The following SCYL1 variants were observed in gnomAD, a reference collection of about 807,000 sequenced individuals.
SCYL1 encodes the protein N-terminal kinase-like protein.
A neutral mutation model predicts 94.8 loss-of-function variants in SCYL1; 85 were observed. That is an observed-to-expected ratio of 0.90 (90% CI 0.75 to 1.07). The LOEUF is 1.07. Among genes scored for constraint, SCYL1 ranks in the 50% least tolerant of loss-of-function variants. SCYL1 has a pLI of 0.00. For missense variants in SCYL1, 968 were observed against 1,083.3 expected, an observed-to-expected ratio of 0.89 and a Z score of 1.49; for synonymous variants, 459 against 435.5, an observed-to-expected ratio of 1.05 and a Z score of -0.67.
At position 65,526,737 on chromosome 11, in the gene SCYL1, T is replaced by A. The variant is rs1402919709; in HGVS notation, c.603-46T>A. The A allele has an allele frequency of 1.3e-6, 2 of 1,578,742 alleles. No individual in the cohort carries two copies. The highest frequency in any genetic ancestry group is 2.2e-5 in the South Asian group (2 of 89,482). On this transcript the variant is annotated intron_variant, in intron 4 of 17. Coordinates refer to ENST00000270176, the MANE Select transcript of SCYL1 (RefSeq NM_020680.4). The surrounding 1 kb of genome is among the most constrained non-coding windows in gnomAD (Gnocchi z 4.1). Reference sequence around the variant, plus strand: ...GTGCCCAAGGCAGGCTGGAGGCCTGTGCAGGTGGTTGGTGGGGCCCTAAGA... The same window carrying A: ...GTGCCCAAGGCAGGCTGGAGGCCTGAGCAGGTGGTTGGTGGGGCCCTAAGA...
chr11:65,527,102 C>A lies in SCYL1; in HGVS notation c.834C>A (p.Phe278Leu). 1 of 1,613,376 alleles carries A rather than the reference C, an allele frequency of 6.2e-7. No individual in the cohort carries two copies. Among genetic ancestry groups the A allele is most frequent in the Non-Finnish European group, 8.5e-7 (1 of 1,179,798 alleles). The stretch of plus-strand genomic sequence containing the variant: ...ACCGCTTTGTAGAAACCAACCTCTT[C>A]CTGGAGGAGATTCAGGTGAGCCCCC... The part of the protein sequence containing the change: ...MSNRFVETNL[F>L]LEEIQIKEPA... The change falls in exon 6 of 18, where the codon TTC (phenylalanine) becomes TTA (leucine). Residue 278 changes from phenylalanine to leucine, a missense_variant. This residue lies in a region of SCYL1 where 494 missense variants were observed against 619.7 expected (regional missense o/e 0.80). Coordinates refer to ENST00000270176, the MANE Select transcript of SCYL1 (RefSeq NM_020680.4).
intron 7 of SCYL1, 112 bp downstream of exon 7, chr11:65,530,899 G>GA: frequency 5.0e-6 from 6 of 1,212,114 alleles, no homozygotes; most frequent in Non-Finnish European, 5.7e-6. Flanking sequence ...ATATGAGCAG[G>GA]AGCTTCCTGC....
intron 10 of SCYL1, 24 bp from the exon 11 acceptor site, chr11:65,535,929 G>A (rs1172047590): frequency 2.6e-6 from 4 of 1,545,350 alleles, no homozygotes; most frequent in Non-Finnish European, 2.6e-6. Flanking sequence ...ACACTCAGGA[G>A]CCCTCTTTCC....
In SCYL1 at chr11:65,527,071, T is replaced by C. The variant is rs746131020; in HGVS notation, c.803T>C (p.Met268Thr). 82 of 1,613,376 alleles carry C rather than the reference T, an allele frequency of 5.1e-5. No homozygotes were observed. The highest frequency in any genetic ancestry group is 1.6e-4 in the Middle Eastern group (1 of 6,084). The change falls in exon 6 of 18, where the codon ATG (methionine) becomes ACG (threonine). Residue 268 changes from methionine (M) to threonine (T), a missense_variant. By Grantham distance (81) the Met-to-Thr change is moderately conservative. Coordinates refer to ENST00000270176, the MANE Select transcript of SCYL1 (RefSeq NM_020680.4). Reference protein sequence around the residue: ...LQNCRAPGGFMSNRFVETNLF... With the variant: ...LQNCRAPGGFTSNRFVETNLF... Reference sequence around the variant, plus strand: ...AACTGCCGGGCACCTGGTGGCTTCATGAGCAACCGCTTTGTAGAAACCAAC... The same window carrying C: ...AACTGCCGGGCACCTGGTGGCTTCACGAGCAACCGCTTTGTAGAAACCAAC...
rs754563539 is a variant in SCYL1, at chr11:65,536,694, C to T, written c.1760C>T (p.Ser587Leu). The change falls in exon 13 of 18, where the codon TCG becomes TTG. Residue 587 changes from serine to leucine, a missense_variant. Transcript: ENST00000270176. ...VSSLTSKLIR[S>L]HPTTAPTETN... Reference sequence around the variant, plus strand: ...TCACTCACCTCCAAGCTGATCCGTTCGCACCCAACCACTGCCCCAACAGAA... The same window carrying T: ...TCACTCACCTCCAAGCTGATCCGTTTGCACCCAACCACTGCCCCAACAGAA... 143 of 1,612,736 alleles carry T rather than the reference C, an allele frequency of 8.9e-5. No homozygotes were observed. Among genetic ancestry groups the T allele is most frequent in the Middle Eastern group, 3.3e-4 (2 of 6,080 alleles).
Position 65,537,859 on chromosome 11 carries a change from C to A in SCYL1, c.2010C>A (p.Gly670=). 6.3e-7 allele frequency: 1 copy of A among 1,576,084 alleles called. No homozygotes were observed. The highest frequency in any genetic ancestry group is 1.3e-5 in the African/African-American group (1 of 74,476). Residue 670 remains glycine (G), a synonymous_variant, in exon 15 of 18, where the codon GGC becomes GGA. Transcript: ENST00000270176. ...LAQQDDWSTG[G]QVSRASQVSN... is the part of the protein sequence containing the mutation. ...AGCAGGACGACTGGAGCACCGGGGGCCAAGTGAGCCGTGCTAGTCAGGTGA... is the reference window on the plus strand; with the variant it reads ...AGCAGGACGACTGGAGCACCGGGGGACAAGTGAGCCGTGCTAGTCAGGTGA...
At chr11:65,525,867 C>T (rs1855047452) in intron 2 of SCYL1, 54 bp from the exon 3 acceptor site, 2 of 1,591,606 alleles carry the variant, frequency 1.3e-6, no homozygotes, top group South Asian at 1.1e-5. Flanking sequence ...AGTCGCTTAT[C>T]TCTCCTTCCT....
intron 6 of SCYL1, 137 bp from the exon 7 acceptor site, chr11:65,530,492 T>G: frequency 1.1e-6 from 1 of 893,568 alleles, no homozygotes; most frequent in Admixed American, 2.9e-5. Flanking sequence ...GTGGGACAGT[T>G]GGGCTTTGAA....
chr11:65,537,738 G>T, intron 14 of SCYL1, 71 bp from the exon 15 acceptor site: 1 of 1,347,776 alleles, frequency 7.4e-7, no homozygotes, highest in South Asian at 1.4e-5. Flanking sequence ...CCGTGGCTGG[G>T]ATGATGCTGG....
rs367873977 is a variant in SCYL1, at chr11:65,531,602, G to A, written c.1035G>A (p.Glu345=). ...FKVGKFLSAE[E]YQQKIIPVVV... ...TGGGCAAGTTCCTGAGCGCTGAGGA[G>A]TATCAGCAGAAGATCATCCCTGTGG... The change falls in exon 8 of 18, where the codon GAG becomes GAA. Residue 345 remains glutamate, a synonymous_variant. Transcript: ENST00000270176. The A allele has an allele frequency of 1.9e-5, 30 of 1,613,832 alleles. No individual in the cohort carries two copies. In the African/African-American group the frequency reaches 3.5e-4, roughly 19 times the overall value.
At chr11:65,537,149 C>T (rs1855705714) in intron 14 of SCYL1, 21 bp downstream of exon 14, 1 of 1,613,322 alleles carries the variant, frequency 6.2e-7, no homozygotes, top group South Asian at 1.1e-5. Context: ...CTGAGGGAGC[C>T]TCCCCAGGGG....
intron 10 of SCYL1, 153 bp downstream of exon 10, chr11:65,535,535 G>A: frequency 9.9e-7 from 1 of 1,012,518 alleles, no homozygotes; most frequent in Non-Finnish European, 1.4e-6. Flanking sequence ...CAGAGGAGGA[G>A]TGAGTTGGCC....
Position 65,538,656 on chromosome 11 carries a change from G to A in SCYL1, c.*90G>A. The A allele has an allele frequency of 7.0e-7, 1 of 1,437,024 alleles. No homozygotes were observed. Among genetic ancestry groups the A allele is most frequent in the Non-Finnish European group, 9.3e-7 (1 of 1,070,202 alleles). 89.0% of individuals were successfully genotyped at this position (1,437,024 alleles called of 1,614,324 possible). A position where few individuals can be genotyped will look rare whatever the true frequency, so the allele number is the denominator to read the frequency against. ...CATGTGAGCCCGGCCGGCCCAGCCA[G>A]GCCATCTCACGTGTACATAATCAGA... On this transcript the variant is annotated 3_prime_UTR_variant, in exon 18 of 18. Transcript: ENST00000270176.
chr11:65,531,491 G>A, intron 7 of SCYL1, 85 bp from the exon 8 acceptor site: 2 of 990,858 alleles, frequency 2.0e-6, no homozygotes, highest in Non-Finnish European at 3.2e-6. Context: ...TCCCACCCTG[G>A]GATATCAGCC....
intron 6 of SCYL1, among the ~76,000 whole-genome samples, chr11:65,528,017 G>A (rs1008688329): frequency 6.6e-6 from 1 of 152,210 alleles, no homozygotes; most frequent in Non-Finnish European, 1.5e-5. Context: ...TGGCTGCAGG[G>A]GGGTGGGCAG....
At chr11:65,537,400 C>T (rs546444527) in intron 14 of SCYL1, among the ~76,000 whole-genome samples, 45 of 152,300 alleles carry the variant, frequency 3.0e-4, no homozygotes, top group Non-Finnish European at 5.6e-4. Context: ...CCTTTCCCCT[C>T]CTCCAGTGCC....
intron 7 of SCYL1, 128 bp downstream of exon 7, chr11:65,530,915 T>C: frequency 1.9e-6 from 2 of 1,028,104 alleles, no homozygotes; most frequent in Non-Finnish European, 1.4e-6. Context: ...CCTGCCAGTG[T>C]CTATAAACAG....
chr11:65,528,797 A>G (rs181036931), intron 6 of SCYL1, among the ~76,000 whole-genome samples: 1 of 152,262 alleles, frequency 6.6e-6, no homozygotes, highest in East Asian at 1.9e-4. Flanking sequence ...TGCAGGAAGG[A>G]AAGTACTGGA....
At chr11:65,532,013 A>G (rs1314328920) in intron 8 of SCYL1, among the ~76,000 whole-genome samples, 1 of 152,206 alleles carries the variant, frequency 6.6e-6, no homozygotes. Flanking sequence ...GATGGGATCT[A>G]GGAAGTACCA....
Sources: allele counts gnomAD v4.1 joint callset (sites outside exome capture counted in the v4.1 genomes callset), GRCh38; gene constraint gnomAD v4.1.1; regional missense constraint gnomAD v4.1.1; non-coding constraint Gnocchi (gnomAD v3.1); transcripts MANE v1.5; gene names NCBI Gene and HGNC (gene_info 2026-07-23, HGNC 2026-07-21).